The following SLC22A25 variants were observed in gnomAD, a reference collection of about 807,000 sequenced individuals.
SLC22A25 encodes the protein solute carrier family 22 member 25.
In SLC22A25, 44 loss-of-function variants were observed where a neutral mutation model predicts 45.9. That is an observed-to-expected ratio of 0.96 (90% CI 0.75 to 1.23). SLC22A25 has a LOEUF of 1.23. SLC22A25 is among the 50% of genes most tolerant of loss of function. The pLI, the probability that SLC22A25 is intolerant of heterozygous loss-of-function variation, is 0.00. For synonymous variants in SLC22A25, 283 were observed against 238.6 expected, an observed-to-expected ratio of 1.19 and a Z score of -1.72; for missense variants, 800 against 666.4, an observed-to-expected ratio of 1.20 and a Z score of -2.21.
intron 5 of SLC22A25, among the ~76,000 whole-genome samples, chr11:63,228,151 G>A (rs920005547): frequency 2.0e-5 from 3 of 152,004 alleles, no homozygotes; most frequent in Non-Finnish European, 4.4e-5. Context: ...TGGTATTCCT[G>A]TGGGGAGGAC....
intron 9 of SLC22A25, among the ~76,000 whole-genome samples, chr11:63,168,990 C>A (rs2134710991): frequency 6.6e-6 from 1 of 152,252 alleles, no homozygotes; most frequent in South Asian, 2.1e-4. Flanking sequence ...CCCTACAATC[C>A]AGAAGAGAGT....
intron 3 of SLC22A25, among the ~76,000 whole-genome samples, chr11:63,232,898 G>T (rs1206741242): frequency 6.6e-6 from 1 of 152,132 alleles, no homozygotes; most frequent in Non-Finnish European, 1.5e-5. Flanking sequence ...TAATCATGTG[G>T]TTTTTGTCTT....
intron 7 of SLC22A25, among the ~76,000 whole-genome samples, chr11:63,193,240 A>C (rs774721832): frequency 1.3e-5 from 2 of 151,206 alleles, no homozygotes; most frequent in African/African-American, 4.8e-5. Flanking sequence ...GTGATGAAGA[A>C]GATGGGTGAT....
At chr11:63,214,174 A>G (rs2089651740) in intron 7 of SLC22A25, among the ~76,000 whole-genome samples, 1 of 152,138 alleles carries the variant, frequency 6.6e-6, no homozygotes, top group Admixed American at 6.5e-5. Flanking sequence ...GTTCTTGCTT[A>G]TTCTTGGTAT....
At chr11:63,196,748 C>T (rs1320285244) in intron 7 of SLC22A25, among the ~76,000 whole-genome samples, 2 of 152,156 alleles carry the variant, frequency 1.3e-5, no homozygotes, top group Non-Finnish European at 2.9e-5. Flanking sequence ...GTTGGAAGTT[C>T]TGGCCAGGGC....
At position 63,163,138 on chromosome 11, in the gene SLC22A25, AAGCTCCC is replaced by A. The variant is rs2087564263; in HGVS notation, c.*679_*685del. Reference sequence around the variant, plus strand: ...TGTAAACCTTGTGAAGTAAAAAACCAAGCTCCCAGCCTAGGATCTGGGAAGGCAGCTT... The same window carrying A: ...TGTAAACCTTGTGAAGTAAAAAACCAAGCCTAGGATCTGGGAAGGCAGCTT... On this transcript the variant is annotated 3_prime_UTR_variant, in exon 12 of 12. Transcript: ENST00000306494. Among the ~76,000 whole-genome samples the A allele has an allele frequency of 6.6e-6, 1 of 152,204 alleles. No homozygotes were observed. Among genetic ancestry groups the A allele is most frequent in the Non-Finnish European group, 1.5e-5 (1 of 68,032 alleles).
intron 5 of SLC22A25, among the ~76,000 whole-genome samples, chr11:63,222,916 A>G (rs1286670953): frequency 6.6e-6 from 1 of 151,948 alleles, no homozygotes; most frequent in East Asian, 1.9e-4. Context: ...TATTGATATA[A>G]TGTATCACAT....
In SLC22A25 at chr11:63,217,658, G is replaced by A; in HGVS notation, c.584C>T (p.Thr195Ile). The A allele has an allele frequency of 1.2e-6, 2 of 1,614,008 alleles. No individual in the cohort carries two copies. The highest frequency in any genetic ancestry group is 1.7e-6 in the Non-Finnish European group (2 of 1,179,994). The change falls in exon 6 of 12, where the codon ACC becomes ATC. Residue 195 changes from threonine to isoleucine, a missense_variant. Transcript: ENST00000306494. The part of the protein sequence containing the change: ...IVGTCAAFAP[T>I]ILVYCSLRFL... The stretch of plus-strand genomic sequence containing the variant: ...GCGCAGGGAGCAGTATACGAGGATG[G>A]TGGGAGCAAAGGCCGCACAGGTGCC...
intron 9 of SLC22A25, among the ~76,000 whole-genome samples, chr11:63,176,399 GT>G (rs2088090183): frequency 6.6e-6 from 1 of 151,578 alleles, no homozygotes; most frequent in Non-Finnish European, 1.5e-5. Flanking sequence ...ATGTTTTGTA[GT>G]TTTCAGTGTA....
rs182035211 is a variant in SLC22A25, at chr11:63,205,709, G to A, written c.830+11605C>T. Among the ~76,000 whole-genome samples, 20 of 152,160 alleles carry A rather than the reference G, an allele frequency of 1.3e-4. No homozygotes were observed. In the East Asian group the frequency reaches 3.1e-3, roughly 24 times the overall value. Reference sequence around the variant, plus strand: ...GCCAGGACCAGAAAGATTTACAGCCGAATTCTACCAGAGGTACAAAGAGAA... The same window carrying A: ...GCCAGGACCAGAAAGATTTACAGCCAAATTCTACCAGAGGTACAAAGAGAA... On this transcript the variant is annotated intron_variant, in intron 7 of 11. Coordinates refer to ENST00000306494, the MANE Select transcript of SLC22A25 (RefSeq NM_199352.6).
At chr11:63,167,618 TC>T (rs1261860808) in intron 9 of SLC22A25, 1 of 152,590 alleles carries the variant, frequency 6.6e-6, no homozygotes, top group African/African-American at 2.4e-5. Context: ...CTCTCTAGAT[TC>T]CTCCTCACTG....
At chr11:63,197,069 A>G (rs889266612) in intron 7 of SLC22A25, among the ~76,000 whole-genome samples, 1 of 152,222 alleles carries the variant, frequency 6.6e-6, no homozygotes, top group Non-Finnish European at 1.5e-5. Flanking sequence ...GACCTTTTCA[A>G]GGAGAACTAC....
intron 9 of SLC22A25, chr11:63,166,813 G>A (rs1157000028): frequency 1.0e-6 from 1 of 983,670 alleles, no homozygotes; most frequent in Non-Finnish European, 1.2e-6. Context: ...TTTATATTAT[G>A]TATATTTAAT....
At chr11:63,195,144 C>G in intron 7 of SLC22A25, among the ~76,000 whole-genome samples, 1 of 152,004 alleles carries the variant, frequency 6.6e-6, no homozygotes, top group East Asian at 1.9e-4. Context: ...GACTCCCACA[C>G]AATAATAATG....
chr11:63,212,605 G>T (rs566370682), intron 7 of SLC22A25, among the ~76,000 whole-genome samples: 1 of 148,484 alleles, frequency 6.7e-6, no homozygotes, highest in East Asian at 2.1e-4. Flanking sequence ...CTTATAGGTG[G>T]GAATTGAGCA....
chr11:63,175,792 G>T (rs1373625104), intron 9 of SLC22A25, among the ~76,000 whole-genome samples: 2 of 151,468 alleles, frequency 1.3e-5, no homozygotes, highest in East Asian at 1.9e-4. Flanking sequence ...TAAGGAAAGG[G>T]TTCAATTTCA....
chr11:63,178,559 G>A (rs75868453), intron 9 of SLC22A25, among the ~76,000 whole-genome samples: 1 of 151,418 alleles, frequency 6.6e-6, no homozygotes, highest in South Asian at 2.1e-4. Flanking sequence ...TTTTTCTGGT[G>A]ATTAACTGTA....
rs187746966 is a variant in SLC22A25 at position 63,193,926 on chromosome 11, G to A, written c.831-10109C>T. Among the ~76,000 whole-genome samples the A allele has an allele frequency of 3.8e-3, 573 of 152,210 alleles. 2 individuals carry two copies. Among genetic ancestry groups the A allele is most frequent in the Non-Finnish European group, 6.3e-3 (429 of 68,016 alleles). ...AGCTAAAAACCTTGAAAAAAGATTCGACAAATGGCTAACTAGAATAAACAG... is the reference window on the plus strand; with the variant it reads ...AGCTAAAAACCTTGAAAAAAGATTCAACAAATGGCTAACTAGAATAAACAG... On this transcript the variant is annotated intron_variant, in intron 7 of 11. Transcript: ENST00000306494.
At chr11:63,220,750 C>T (rs1427359637) in intron 5 of SLC22A25, among the ~76,000 whole-genome samples, 1 of 152,120 alleles carries the variant, frequency 6.6e-6, no homozygotes, top group Non-Finnish European at 1.5e-5. Context: ...ATTAACCATG[C>T]CCACTTTCCC....
Sources: allele counts gnomAD v4.1 joint callset (sites outside exome capture counted in the v4.1 genomes callset), GRCh38; gene constraint gnomAD v4.1.1; transcripts MANE v1.5; gene names NCBI Gene and HGNC (gene_info 2026-07-23, HGNC 2026-07-21).